The following RMDN2 variants were observed in gnomAD, a reference collection of about 807,000 sequenced individuals.
RMDN2 encodes regulator of microtubule dynamics 2, also known as regulator of microtubule dynamics protein 2.
Under a neutral mutation model 52.8 loss-of-function variants are expected in RMDN2, and 61 were observed. That is an observed-to-expected ratio of 1.16 (90% CI 0.94 to 1.43). RMDN2 has a LOEUF of 1.43. RMDN2 is among the 40% of genes most tolerant of loss of function. RMDN2 has a pLI of 0.00. For missense variants in RMDN2, 592 were observed against 475.3 expected (o/e 1.25, Z -2.28); for synonymous variants, 180 against 153.1 (o/e 1.18, Z -1.30).
rs1006755701 is a variant in RMDN2 at position 37,975,015 on chromosome 2, C to G, written c.628-197C>G. ...TTGGTTTTAAGATCCAAATGTAACA[C>G]TACATTAGGTCATATTTCTTAGCCA... On this transcript the variant is annotated intron_variant, in intron 3 of 10. Transcript: ENST00000354545. 5.4e-5 allele frequency: 30 copies of G among 558,998 alleles called. No homozygotes were observed. In the Admixed American group the frequency reaches 9.6e-4, roughly 18 times the overall value. 34.6% of individuals were successfully genotyped at this position (558,998 alleles called of 1,614,324 possible).
Position 37,997,502 on chromosome 2 carries a change from C to G in RMDN2, c.1032C>G (p.His344Gln), listed in dbSNP as rs752176644. The G allele has an allele frequency of 1.2e-6, 2 of 1,606,460 alleles. No homozygotes were observed. Among genetic ancestry groups the G allele is most frequent in the South Asian group, 1.1e-5 (1 of 90,900 alleles). The change falls in exon 8 of 11, where the codon CAC becomes CAG. Residue 344 changes from histidine to glutamine, a missense_variant. Transcript: ENST00000354545. ...IPSSTVQEAL[H>Q]NFLKAEELCP... ...CTTCAACTGTACAAGAAGCTTTACA[C>G]AATTTCCTTAAGGTACATTTTGTGT...
At chr2:37,938,641 G>A (rs1667519718) in intron 2 of RMDN2, among the ~76,000 whole-genome samples, 1 of 152,142 alleles carries the variant, frequency 6.6e-6, no homozygotes, top group African/African-American at 2.4e-5. Context: ...ATGTGTCCAG[G>A]AATTTATCCG....
intron 10 of RMDN2, among the ~76,000 whole-genome samples, chr2:38,050,464 AT>A (rs959740449): frequency 5.9e-5 from 9 of 151,908 alleles, no homozygotes; most frequent in African/African-American, 2.2e-4. Flanking sequence ...AGCCCATCAT[AT>A]TTTTTCAGGT....
At chr2:38,066,774 A>C (rs988115849) in intron 10 of RMDN2, 11 of 556,704 alleles carry the variant, frequency 2.0e-5, no homozygotes, top group African/African-American at 1.7e-4. Context: ...TTAAAGGAAT[A>C]TTTTTCCCAT....
At chr2:37,984,505 A>G (rs1309346519) in intron 5 of RMDN2, among the ~76,000 whole-genome samples, 1 of 152,228 alleles carries the variant, frequency 6.6e-6, no homozygotes, top group Non-Finnish European at 1.5e-5. Flanking sequence ...TTGATTAGTA[A>G]TCAGAGCAAT....
In RMDN2 at chr2:37,948,359, A is replaced by C. The variant is rs188063617; in HGVS notation, c.452+18630A>C. 2.6e-3 allele frequency among the ~76,000 whole-genome samples: 402 copies of C among 152,288 alleles called. 5 individuals carry two copies. In the Middle Eastern group the frequency reaches 0.027, roughly 10 times the overall value. On this transcript the variant is annotated intron_variant, in intron 2 of 10. Coordinates refer to ENST00000354545, the MANE Select transcript of RMDN2 (RefSeq NM_001170791.3). ...TGAGTGGTAATTATGGTTACAGATA[A>C]ACAAAAGGTTCATTGGGCACAGTGA...
At chr2:38,015,257 A>T (rs1678590529) in intron 10 of RMDN2, among the ~76,000 whole-genome samples, 1 of 152,220 alleles carries the variant, frequency 6.6e-6, no homozygotes, top group East Asian at 1.9e-4. Context: ...AGTTCTTGAC[A>T]GTACAACGAT....
chr2:37,945,544 C>T (rs1035264338), intron 2 of RMDN2, among the ~76,000 whole-genome samples: 1 of 152,106 alleles, frequency 6.6e-6, no homozygotes, highest in Non-Finnish European at 1.5e-5. Context: ...ACTTAGATTT[C>T]TACAAGTCTC....
chr2:38,011,962 C>G (rs1249213228), intron 10 of RMDN2, among the ~76,000 whole-genome samples: 2 of 152,178 alleles, frequency 1.3e-5, no homozygotes, highest in Admixed American at 6.5e-5. Flanking sequence ...GCCCAAGCAA[C>G]AGATTAAATG....
chr2:37,950,312 C>G (rs1476214685), intron 2 of RMDN2: 2 of 713,964 alleles, frequency 2.8e-6, no homozygotes, highest in Non-Finnish European at 4.5e-6. Flanking sequence ...TTGGATGACT[C>G]CTCCAACAGT....
chr2:38,040,252 G>A (rs150594088), intron 10 of RMDN2, among the ~76,000 whole-genome samples: 25 of 151,834 alleles, frequency 1.6e-4, no homozygotes, highest in East Asian at 1.5e-3. Context: ...TCAATACCAC[G>A]CTGTCTTTAT....
At chr2:37,942,017 C>T (rs774309111) in intron 2 of RMDN2, among the ~76,000 whole-genome samples, 3 of 151,974 alleles carry the variant, frequency 2.0e-5, no homozygotes, top group East Asian at 1.9e-4. Context: ...GCTTGAAACC[C>T]TGGGCCCTTG....
chr2:38,039,956 A>G (rs141609584), intron 10 of RMDN2, among the ~76,000 whole-genome samples: 646 of 152,152 alleles, frequency 4.2e-3, no homozygotes, highest in African/African-American at 0.014. Flanking sequence ...GTTTTCTTCT[A>G]GAAGTTGTAT....
intron 10 of RMDN2, among the ~76,000 whole-genome samples, chr2:38,061,664 T>C (rs78773576): frequency 1.8e-3 from 74 of 41,190 alleles, no homozygotes; most frequent in Non-Finnish European, 3.5e-3. Flanking sequence ...TACACACATA[T>C]ACCACTTATA....
chr2:38,058,752 C>G (rs1260044617), intron 10 of RMDN2, among the ~76,000 whole-genome samples: 1 of 152,108 alleles, frequency 6.6e-6, no homozygotes, highest in Non-Finnish European at 1.5e-5. Flanking sequence ...AAGAAGCTTT[C>G]TTTTATTTCC....
intron 10 of RMDN2, among the ~76,000 whole-genome samples, chr2:38,061,207 C>G (rs1445472628): frequency 6.6e-6 from 1 of 151,972 alleles, no homozygotes; most frequent in East Asian, 2.0e-4. Flanking sequence ...GACAAGTGTC[C>G]TCTTACATCC....
intron 1 of RMDN2, chr2:37,929,056 A>G: frequency 2.4e-6 from 1 of 412,014 alleles, no homozygotes; most frequent in South Asian, 3.6e-5. Flanking sequence ...TGCATCTTTA[A>G]CTTAATATGA....
At chr2:38,058,739 T>A (rs1302589474) in intron 10 of RMDN2, among the ~76,000 whole-genome samples, 1 of 152,190 alleles carries the variant, frequency 6.6e-6, no homozygotes, top group East Asian at 1.9e-4. Flanking sequence ...ACCTACCTAC[T>A]CTAAGAAGCT....
chr2:37,960,212 T>G (rs1013043347), intron 2 of RMDN2, among the ~76,000 whole-genome samples: 12 of 152,176 alleles, frequency 7.9e-5, no homozygotes, highest in Non-Finnish European at 7.4e-5. Context: ...ATTTTCTGTC[T>G]CGTTGATCTG....
Sources: gnomAD v4.1 joint callset for allele counts (sites outside exome capture counted in the v4.1 genomes callset) on GRCh38, gnomAD v4.1.1 for gene constraint, MANE v1.5 for transcripts, NCBI Gene and HGNC (gene_info 2026-07-23, HGNC 2026-07-21) for gene names.